Variants in GNB4 observed in about 807,000 individuals in gnomAD.
GNB4 encodes the protein G protein subunit beta 4, also known as guanine nucleotide-binding protein subunit beta-4.
In GNB4, 28 loss-of-function variants were observed where a neutral mutation model predicts 45.2. The observed-to-expected ratio is 0.62, with a 90% CI of 0.46 to 0.85. The LOEUF is 0.85. Among genes scored for constraint, GNB4 ranks in the 40% least tolerant of loss-of-function variants. The probability of loss-of-function intolerance (pLI) is 0.00; values close to 1 mark genes in which losing one functional copy is unlikely to be tolerated. For missense variants in GNB4, 321 were observed against 425.4 expected (o/e 0.75, Z 2.16); for synonymous variants, 132 against 143.7 (o/e 0.92, Z 0.58).
chr3:179,403,886 A>G (rs1183438108), intron 9 of GNB4, among the ~76,000 whole-genome samples: 2 of 152,158 alleles, frequency 1.3e-5, no homozygotes, highest in African/African-American at 2.4e-5. Flanking sequence ...CAGGAAGCCC[A>G]TTTTCAACAT....
chr3:179,485,497 A>G, the GNB4 span, among the ~76,000 whole-genome samples: 1 of 152,172 alleles, frequency 6.6e-6, no homozygotes, highest in Admixed American at 6.5e-5. Flanking sequence ...GGCAATATTT[A>G]ATTAGCTTTG....
At chr3:179,441,855 G>A (rs1350740691) in intron 1 of GNB4, among the ~76,000 whole-genome samples, 8 of 151,958 alleles carry the variant, frequency 5.3e-5, no homozygotes, top group African/African-American at 1.4e-4. Context: ...GCCCAGGCTG[G>A]AGTGCAGTGG....
At chr3:179,514,722 C>A in the GNB4 span, among the ~76,000 whole-genome samples, 1 of 152,128 alleles carries the variant, frequency 6.6e-6, no homozygotes, top group Non-Finnish European at 1.5e-5. Flanking sequence ...TGGCCACCTG[C>A]AAGCCAAGGA....
At chr3:179,471,474 C>T in the GNB4 span, among the ~76,000 whole-genome samples, 5 of 152,184 alleles carry the variant, frequency 3.3e-5, no homozygotes, top group Non-Finnish European at 5.9e-5. Flanking sequence ...CACGTACTTA[C>T]CATTATGTTA....
chr3:179,505,944 G>T, the GNB4 span, among the ~76,000 whole-genome samples: 1 of 152,208 alleles, frequency 6.6e-6, no homozygotes, highest in African/African-American at 2.4e-5. Flanking sequence ...CTGAGATTTC[G>T]AGGGTGTTTG....
chr3:179,504,003 G>A, the GNB4 span, among the ~76,000 whole-genome samples: 7 of 152,076 alleles, frequency 4.6e-5, no homozygotes, highest in African/African-American at 1.7e-4. Context: ...CTCCCAGATC[G>A]TTCCAAGCAG....
At chr3:179,496,308 A>G in the GNB4 span, among the ~76,000 whole-genome samples, 2 of 152,134 alleles carry the variant, frequency 1.3e-5, no homozygotes, top group Non-Finnish European at 2.9e-5. Context: ...GCAAAAGCCT[A>G]TAGTAGATAC....
At chr3:179,438,782 G>A (rs1332224803) in intron 1 of GNB4, among the ~76,000 whole-genome samples, 2 of 152,184 alleles carry the variant, frequency 1.3e-5, no homozygotes, top group Non-Finnish European at 2.9e-5. Flanking sequence ...GAGGGGTAGA[G>A]GAGAGTGGTT....
At chr3:179,405,718 TA>T in intron 8 of GNB4, 1 of 145,134 alleles carries the variant, frequency 6.9e-6, no homozygotes, top group Non-Finnish European at 1.4e-5. Flanking sequence ...ATTTATAGAA[TA>T]TATATGTGTG....
intron 2 of GNB4, among the ~76,000 whole-genome samples, chr3:179,421,618 G>A (rs1004512317): frequency 3.3e-5 from 5 of 152,130 alleles, no homozygotes; most frequent in African/African-American, 4.8e-5. Flanking sequence ...CAAGGAGAAC[G>A]CACAAGATGT....
intron 8 of GNB4, among the ~76,000 whole-genome samples, chr3:179,406,938 A>C (rs1427651339): frequency 6.6e-6 from 1 of 152,158 alleles, no homozygotes; most frequent in East Asian, 1.9e-4. Context: ...CTTTTTAAAA[A>C]GTACTTCATA....
At chr3:179,404,766 A>G (rs775562546) in intron 9 of GNB4, among the ~76,000 whole-genome samples, 4 of 152,206 alleles carry the variant, frequency 2.6e-5, no homozygotes, top group Non-Finnish European at 4.4e-5. Flanking sequence ...GTCATCTTGT[A>G]GAAGCTGCAG....
the GNB4 span, among the ~76,000 whole-genome samples, chr3:179,471,893 T>C: frequency 6.6e-6 from 1 of 152,202 alleles, no homozygotes; most frequent in African/African-American, 2.4e-5. Context: ...TGTCAGTGTG[T>C]ACTAAGAGCA....
At chr3:179,456,173 G>A (rs949456835), upstream of GNB4, among the ~76,000 whole-genome samples, 2 of 146,286 alleles carry the variant, frequency 1.4e-5, no homozygotes, top group Admixed American at 7.0e-5. Flanking sequence ...GCGCAGTGGC[G>A]CAATCTCAGC....
chr3:179,428,835 CCAAAGCCA>C (rs1195452846), intron 1 of GNB4, among the ~76,000 whole-genome samples: 4 of 152,096 alleles, frequency 2.6e-5, no homozygotes, highest in African/African-American at 9.7e-5. Context: ...TGTCCTTCCC[CCAAAGCCA>C]CACACACATA....
the GNB4 span, among the ~76,000 whole-genome samples, chr3:179,523,803 T>G: frequency 2.6e-5 from 4 of 151,910 alleles, no homozygotes; most frequent in Non-Finnish European, 4.4e-5. Flanking sequence ...GAGAGGAGGA[T>G]GCAAAGGAGG....
At chr3:179,489,954 A>C in the GNB4 span, among the ~76,000 whole-genome samples, 1 of 152,224 alleles carries the variant, frequency 6.6e-6, no homozygotes, top group African/African-American at 2.4e-5. Flanking sequence ...CTGTACTAGA[A>C]ACTCAGAATC....
At chr3:179,499,961 T>C in the GNB4 span, among the ~76,000 whole-genome samples, 7 of 152,228 alleles carry the variant, frequency 4.6e-5, no homozygotes, top group Admixed American at 4.6e-4. Flanking sequence ...TTTAAGTTCT[T>C]TGTAGATTCT....
At chr3:179,524,838 C>CT in the GNB4 span, among the ~76,000 whole-genome samples, 1 of 152,040 alleles carries the variant, frequency 6.6e-6, no homozygotes, top group Non-Finnish European at 1.5e-5. Flanking sequence ...CCAGCCATCT[C>CT]TTTAAGAGGA....
Sources: allele counts gnomAD v4.1 joint callset (sites outside exome capture counted in the v4.1 genomes callset), GRCh38; gene constraint gnomAD v4.1.1; transcripts MANE v1.5; gene names NCBI Gene and HGNC (gene_info 2026-07-23, HGNC 2026-07-21).